The following KLRG2 variants were observed in gnomAD, a reference collection of about 807,000 sequenced individuals.
KLRG2 encodes killer cell lectin-like receptor subfamily G member 2.
KLRG2 carries 39 observed loss-of-function variants against 35.4 expected under a neutral mutation model. The ratio of observed to expected loss-of-function variants is 1.10; its 90% CI spans 0.85 to 1.44. KLRG2 has a LOEUF of 1.44. Among genes scored for constraint, KLRG2 ranks in the 40% most tolerant of loss-of-function variants. The pLI, the probability that KLRG2 is intolerant of heterozygous loss-of-function variation, is 0.00. For missense variants in KLRG2, 632 were observed against 570.9 expected (o/e 1.11, Z -1.09); for synonymous variants, 283 against 265.8 (o/e 1.06, Z -0.63).
chr7:139,473,550 C>T (rs926825919), intron 3 of KLRG2, among the ~76,000 whole-genome samples: 1 of 152,142 alleles, frequency 6.6e-6, no homozygotes. Context: ...AGGATCACAA[C>T]ATTTGAGGAA....
the KLRG2 span, among the ~76,000 whole-genome samples, chr7:139,427,650 T>C: frequency 6.6e-6 from 1 of 152,334 alleles, no homozygotes; most frequent in Non-Finnish European, 1.5e-5. Flanking sequence ...GCTCCATATC[T>C]TGGACTAGCA....
the KLRG2 span, among the ~76,000 whole-genome samples, chr7:139,430,200 C>T: frequency 2.0e-5 from 3 of 151,948 alleles, no homozygotes; most frequent in East Asian, 1.9e-4. Context: ...GTCGGGAGTT[C>T]GAGACTGGCC....
At chr7:139,440,509 A>G in the KLRG2 span, among the ~76,000 whole-genome samples, 3 of 141,576 alleles carry the variant, frequency 2.1e-5, no homozygotes, top group African/African-American at 8.2e-5. Flanking sequence ...TCCCACCTCA[A>G]CCTCCCAAAA....
At chr7:139,477,860 G>A (rs1796878254) in intron 3 of KLRG2, among the ~76,000 whole-genome samples, 2 of 152,080 alleles carry the variant, frequency 1.3e-5, no homozygotes, top group South Asian at 2.1e-4. Context: ...CCAGGTTCAT[G>A]CCATTCTCCT....
the KLRG2 span, among the ~76,000 whole-genome samples, chr7:139,438,723 T>C: frequency 1.3e-5 from 2 of 151,208 alleles, no homozygotes; most frequent in South Asian, 4.2e-4. Context: ...TTGCCCAGGC[T>C]GGAGTGCAAT....
chr7:139,435,236 TC>T, the KLRG2 span, among the ~76,000 whole-genome samples: 78 of 152,314 alleles, frequency 5.1e-4, no homozygotes, highest in African/African-American at 1.8e-3. Context: ...ACGCCTGTAA[TC>T]CCAGCACTTT....
intron 3 of KLRG2, among the ~76,000 whole-genome samples, chr7:139,468,492 G>A (rs1039069785): frequency 1.3e-5 from 2 of 152,062 alleles, no homozygotes; most frequent in Admixed American, 1.3e-4. Flanking sequence ...CTCTTTGACT[G>A]TAATTTTCCA....
intron 3 of KLRG2, among the ~76,000 whole-genome samples, chr7:139,477,489 T>A (rs1305574001): frequency 6.6e-6 from 1 of 152,008 alleles, no homozygotes; most frequent in Non-Finnish European, 1.5e-5. Context: ...ACAAGACAAA[T>A]ACTGTGCGAT....
At chr7:139,481,550 AC>A (rs1796959482) in intron 1 of KLRG2, among the ~76,000 whole-genome samples, 2 of 151,820 alleles carry the variant, frequency 1.3e-5, no homozygotes, top group Non-Finnish European at 2.9e-5. Context: ...CGGGGCTCTG[AC>A]CCCTCCTGGC....
downstream of KLRG2, among the ~76,000 whole-genome samples, chr7:139,449,121 G>T (rs1016671614): frequency 4.7e-5 from 7 of 148,274 alleles, no homozygotes; most frequent in Non-Finnish European, 8.9e-5. Flanking sequence ...AAAAAAAATT[G>T]TTGGGCGTGG....
intron 3 of KLRG2, among the ~76,000 whole-genome samples, chr7:139,468,681 T>C (rs1391280334): frequency 6.6e-6 from 1 of 152,224 alleles, no homozygotes; most frequent in African/African-American, 2.4e-5. Flanking sequence ...TTTGAACTTA[T>C]AAAACAATTT....
the KLRG2 span, among the ~76,000 whole-genome samples, chr7:139,440,934 G>C: frequency 6.6e-6 from 1 of 152,144 alleles, no homozygotes; most frequent in Admixed American, 6.6e-5. Flanking sequence ...CAGCTGTGTA[G>C]ATTATATTTC....
intron 3 of KLRG2, among the ~76,000 whole-genome samples, chr7:139,458,918 G>C (rs1172546735): frequency 4.6e-5 from 7 of 152,174 alleles, no homozygotes; most frequent in Admixed American, 2.0e-4. Flanking sequence ...CTGCTTCTGC[G>C]TGTGTGTCCT....
chr7:139,467,564 G>T (rs1014201346), intron 3 of KLRG2, among the ~76,000 whole-genome samples: 1 of 152,054 alleles, frequency 6.6e-6, no homozygotes, highest in Admixed American at 6.5e-5. Context: ...TGAAACATGT[G>T]CTGTGTCCAC....
chr7:139,463,770 CTGCCCAAT>C (rs1796608349), intron 3 of KLRG2, among the ~76,000 whole-genome samples: 1 of 152,256 alleles, frequency 6.6e-6, no homozygotes, highest in Non-Finnish European at 1.5e-5. Flanking sequence ...ACGACCGACG[CTGCCCAAT>C]TGCCTCAGAA....
At chr7:139,459,641 G>A (rs1796535664) in intron 3 of KLRG2, among the ~76,000 whole-genome samples, 1 of 152,156 alleles carries the variant, frequency 6.6e-6, no homozygotes, top group Admixed American at 6.6e-5. Context: ...ACAGGCTACT[G>A]GTGCCCTGGC....
intron 4 of KLRG2, 129 bp from the exon 5 acceptor site, chr7:139,453,836 G>A: frequency 6.4e-6 from 7 of 1,086,246 alleles, no homozygotes; most frequent in African/African-American, 1.6e-5. Context: ...CACTGCACTG[G>A]TCAGCCACGT....
chr7:139,451,477 C>T (rs563032060), downstream of KLRG2, among the ~76,000 whole-genome samples: 2 of 151,880 alleles, frequency 1.3e-5, no homozygotes, highest in Admixed American at 6.6e-5. Context: ...TCCAGCCTGG[C>T]GACAGAGCGA....
the KLRG2 span, among the ~76,000 whole-genome samples, chr7:139,441,595 C>T: frequency 6.6e-6 from 1 of 151,698 alleles, no homozygotes; most frequent in Non-Finnish European, 1.5e-5. Flanking sequence ...TGCACATGTA[C>T]CCCAGAACTT....
Sources: gnomAD v4.1 joint callset for allele counts (sites outside exome capture counted in the v4.1 genomes callset) on GRCh38, gnomAD v4.1.1 for gene constraint, MANE v1.5 for transcripts, NCBI Gene and HGNC (gene_info 2026-07-23, HGNC 2026-07-21) for gene names.